VEPH1: variants seen among roughly 807,000 people sequenced by gnomAD.
The protein encoded by VEPH1 is ventricular zone-expressed PH domain-containing protein homolog 1.
VEPH1 carries 80 observed loss-of-function variants against 85.2 expected under a neutral mutation model. The ratio of observed to expected loss-of-function variants is 0.94; its 90% CI spans 0.78 to 1.13. The LOEUF (loss-of-function observed/expected upper bound fraction) is 1.13. VEPH1 is among the 50% of genes most tolerant of loss of function. VEPH1 has a pLI of 0.00. For missense variants in VEPH1, 955 were observed against 980.5 expected (o/e 0.97, Z 0.35); for synonymous variants, 297 against 348.0 (o/e 0.85, Z 1.63).
intron 2 of VEPH1, chr3:157,493,436 T>G (rs866174969): frequency 5.4e-5 from 17 of 314,352 alleles, no homozygotes; most frequent in African/African-American, 3.6e-4. Flanking sequence ...GGCATGGTGG[T>G]TCCATGTGCT....
chr3:157,327,586 G>A (rs1722048060), intron 9 of VEPH1, among the ~76,000 whole-genome samples: 1 of 152,136 alleles, frequency 6.6e-6, no homozygotes, highest in Non-Finnish European at 1.5e-5. Context: ...AAAGAATCAG[G>A]GAACTTTAGA....
At chr3:157,329,073 C>T (rs754416677) in intron 9 of VEPH1, among the ~76,000 whole-genome samples, 2 of 152,100 alleles carry the variant, frequency 1.3e-5, no homozygotes, top group African/African-American at 2.4e-5. Context: ...CCTTTTAAGT[C>T]GAAGAGGGAT....
chr3:157,364,366 G>C lies in VEPH1; in HGVS notation c.1274C>G (p.Ser425Cys). 3.1e-6 allele frequency: 5 copies of C among 1,613,878 alleles called. No individual in the cohort carries two copies. Among genetic ancestry groups the C allele is most frequent in the Non-Finnish European group, 4.2e-6 (5 of 1,179,908 alleles). The change falls in exon 8 of 14, where the codon TCT becomes TGT. Residue 425 changes from serine to cysteine, a missense_variant. Coordinates refer to ENST00000362010, the MANE Select transcript of VEPH1 (RefSeq NM_001167912.2). Reference protein sequence around the residue: ...KINAGSNTPGSIRRYSLGQVS... With the variant: ...KINAGSNTPGCIRRYSLGQVS... ...TTGGCCCAGACTATATCTTCTGATA[G>C]AGCCAGGGGTATTGCTCCCTGCATT...
intron 2 of VEPH1, among the ~76,000 whole-genome samples, chr3:157,494,921 TAA>T (rs1313243657): frequency 2.0e-5 from 3 of 152,126 alleles, no homozygotes; most frequent in Admixed American, 1.3e-4. Context: ...TTCAAGGACA[TAA>T]AAATAGCCCC....
At chr3:157,265,133 C>T (rs551416239) in intron 13 of VEPH1, among the ~76,000 whole-genome samples, 7 of 152,174 alleles carry the variant, frequency 4.6e-5, no homozygotes, top group Non-Finnish European at 1.0e-4. Context: ...ATTCTTTCCT[C>T]CTTGTCTATG....
chr3:157,264,053 G>C (rs1324640232), intron 13 of VEPH1, among the ~76,000 whole-genome samples: 1 of 152,254 alleles, frequency 6.6e-6, no homozygotes, highest in African/African-American at 2.4e-5. Flanking sequence ...TTAGTGGACT[G>C]AGTGAAGAAG....
chr3:157,459,817 G>A lies in VEPH1; in HGVS notation c.529+364C>T. 4.7e-6 allele frequency: 7 copies of A among 1,496,084 alleles called. No homozygotes were observed. In the South Asian group the frequency reaches 7.6e-5, roughly 16 times the overall value. 92.7% of individuals were successfully genotyped at this position (1,496,084 alleles called of 1,614,324 possible). A position where few individuals can be genotyped will look rare whatever the true frequency, so the allele number is the denominator to read the frequency against. On this transcript the variant is annotated intron_variant, in intron 4 of 13. Transcript: ENST00000362010. ...TTGCTTTTGGAAGCAAATGAAGACA[G>A]GTTTTTCATACCCCACTGAGTGACG...
At chr3:157,361,098 A>C (rs1409081094) in intron 9 of VEPH1, among the ~76,000 whole-genome samples, 1 of 152,210 alleles carries the variant, frequency 6.6e-6, no homozygotes, top group Non-Finnish European at 1.5e-5. Flanking sequence ...CAACTTGTGC[A>C]ATAGATACAC....
chr3:157,377,594 A>G (rs1043198884), intron 7 of VEPH1, among the ~76,000 whole-genome samples: 2 of 152,198 alleles, frequency 1.3e-5, no homozygotes, highest in Admixed American at 1.3e-4. Context: ...AGTTTCCCCC[A>G]TGCTGTTTTC....
At chr3:157,433,889 T>C (rs1161785474) in intron 4 of VEPH1, among the ~76,000 whole-genome samples, 1 of 152,224 alleles carries the variant, frequency 6.6e-6, no homozygotes, top group African/African-American at 2.4e-5. Flanking sequence ...CTTTAAGTTA[T>C]GTAGTTTAAG....
chr3:157,337,429 G>A lies in VEPH1; in HGVS notation c.1736-20228C>T, dbSNP rs6801928. 9.8e-3 allele frequency among the ~76,000 whole-genome samples: 1,497 copies of A among 152,110 alleles called. 22 individuals are homozygous for A. The highest frequency in any genetic ancestry group is 0.034 in the African/African-American group (1,421 of 41,498). On this transcript the variant is annotated intron_variant, in intron 9 of 13. Coordinates refer to ENST00000362010, the MANE Select transcript of VEPH1 (RefSeq NM_001167912.2). ...CTTTAAACTGTACTTCTAAACTATTGCACATTTTTCAAACCTAAATTTTCA... is the reference window on the plus strand; with the variant it reads ...CTTTAAACTGTACTTCTAAACTATTACACATTTTTCAAACCTAAATTTTCA...
In VEPH1 at chr3:157,302,813, C is replaced by G. The variant is rs926192830; in HGVS notation, c.2010+10808G>C. Among the ~76,000 whole-genome samples the G allele has an allele frequency of 2.0e-5, 3 of 152,302 alleles. No individual in the cohort carries two copies. In the South Asian group the frequency reaches 6.2e-4, roughly 32 times the overall value. ...CAGGACAGAATTCCCCAGATTAACT[C>G]TCCAGTCTCCACTCTCCCCTTTGTT... On this transcript the variant is annotated intron_variant, in intron 11 of 13. Transcript: ENST00000362010.
At chr3:157,432,554 T>C (rs1011396300) in intron 4 of VEPH1, among the ~76,000 whole-genome samples, 2 of 152,176 alleles carry the variant, frequency 1.3e-5, no homozygotes, top group Admixed American at 1.3e-4. Context: ...AGTAGTCAAT[T>C]GTTACTCTTC....
intron 2 of VEPH1, among the ~76,000 whole-genome samples, chr3:157,487,405 T>C (rs1738749103): frequency 6.6e-6 from 1 of 152,116 alleles, no homozygotes; most frequent in African/African-American, 2.4e-5. Context: ...TTCCTAATTT[T>C]CCTCAAAAAG....
rs571184394 is a variant in VEPH1, at chr3:157,310,257, G to A, written c.2010+3364C>T. Reference sequence around the variant, plus strand: ...CAACCTCCCTTAATGTATGTAAGACGGGTTTGAATTTGTGTTATTTGAGGT... The same window carrying A: ...CAACCTCCCTTAATGTATGTAAGACAGGTTTGAATTTGTGTTATTTGAGGT... On this transcript the variant is annotated intron_variant, in intron 11 of 13. Coordinates refer to ENST00000362010, the MANE Select transcript of VEPH1 (RefSeq NM_001167912.2). 6.8e-4 allele frequency among the ~76,000 whole-genome samples: 103 copies of A among 152,286 alleles called. 1 individual carries two copies. In the South Asian group the frequency reaches 0.02, roughly 30 times the overall value.
intron 9 of VEPH1, among the ~76,000 whole-genome samples, chr3:157,353,184 C>T (rs1267209298): frequency 2.6e-5 from 4 of 152,174 alleles, no homozygotes; most frequent in Admixed American, 1.3e-4. Context: ...TTAAAAATTT[C>T]CAAACCTTGC....
intron 9 of VEPH1, among the ~76,000 whole-genome samples, chr3:157,335,984 C>G (rs987541706): frequency 3.9e-5 from 6 of 152,194 alleles, no homozygotes; most frequent in Admixed American, 2.6e-4. Flanking sequence ...GACCGAGACC[C>G]TGACATGCAA....
At chr3:157,270,424 T>G (rs1386672933) in intron 12 of VEPH1, among the ~76,000 whole-genome samples, 2 of 152,208 alleles carry the variant, frequency 1.3e-5, no homozygotes, top group African/African-American at 4.8e-5. Context: ...AATTTTCTAG[T>G]GCAATTGGAA....
chr3:157,493,781 A>C (rs903373463), intron 2 of VEPH1, among the ~76,000 whole-genome samples: 4 of 152,226 alleles, frequency 2.6e-5, no homozygotes, highest in African/African-American at 9.6e-5. Context: ...CTGTGAAACA[A>C]AGCAATTAAT....
Sources: gnomAD v4.1 joint callset for allele counts (sites outside exome capture counted in the v4.1 genomes callset) on GRCh38, gnomAD v4.1.1 for gene constraint, MANE v1.5 for transcripts, NCBI Gene and HGNC (gene_info 2026-07-23, HGNC 2026-07-21) for gene names.